PDE3B: variants seen among roughly 807,000 people sequenced by gnomAD.
PDE3B encodes the protein cGMP-inhibited 3',5'-cyclic phosphodiesterase 3B.
A neutral mutation model predicts 116.8 loss-of-function variants in PDE3B; 66 were observed. That is an observed-to-expected ratio of 0.56 (90% CI 0.46 to 0.69). The LOEUF (loss-of-function observed/expected upper bound fraction) is 0.69. Ranked by LOEUF, PDE3B falls within the 30% of genes least tolerant of loss-of-function variation. The pLI is 0.00. For synonymous variants in PDE3B, 595 were observed against 533.6 expected (o/e 1.12, Z -1.59); for missense variants, 1,384 against 1,368.1 (o/e 1.01, Z -0.18).
chr11:14,847,737 GAAGA>G (rs1476907637), intron 12 of PDE3B, among the ~76,000 whole-genome samples: 1 of 152,190 alleles, frequency 6.6e-6, no homozygotes, highest in Non-Finnish European at 1.5e-5. Context: ...AGAAAATCTA[GAAGA>G]AATGGATACA....
rs754543757 is a variant in PDE3B at position 14,857,938 on chromosome 11, CTCTT to C, written c.2521-1101_2521-1098del. Among the ~76,000 whole-genome samples, 105 of 152,284 alleles carry C rather than the reference CTCTT, an allele frequency of 6.9e-4. 1 individual carries two copies. The highest frequency in any genetic ancestry group is 4.3e-3 in the Admixed American group (65 of 15,282). On this transcript the variant is annotated intron_variant, in intron 12 of 15. Coordinates refer to ENST00000282096, the MANE Select transcript of PDE3B (RefSeq NM_000922.4). ...CCCCTTAGGGAGTTTTCGAAGCTTA[CTCTT>C]TCTGTTTGGTATTTATAATGTTTAG...
At chr11:14,835,802 T>C (rs974855404) in intron 11 of PDE3B, among the ~76,000 whole-genome samples, 2 of 152,034 alleles carry the variant, frequency 1.3e-5, no homozygotes, top group Non-Finnish European at 2.9e-5. Context: ...TACAAAAAAA[T>C]TTTTAAAAAA....
At chr11:14,868,738 T>C (rs1484341588) in intron 15 of PDE3B, among the ~76,000 whole-genome samples, 1 of 152,174 alleles carries the variant, frequency 6.6e-6, no homozygotes, top group Non-Finnish European at 1.5e-5. Flanking sequence ...ACACATGCCT[T>C]GTATTTAGGA....
chr11:14,729,931 C>T (rs1428716644), intron 1 of PDE3B, among the ~76,000 whole-genome samples: 1 of 151,798 alleles, frequency 6.6e-6, no homozygotes, highest in Non-Finnish European at 1.5e-5. Flanking sequence ...AAAATTGAAA[C>T]GTTACTGAGA....
chr11:14,738,917 T>C (rs1354645337), intron 1 of PDE3B, among the ~76,000 whole-genome samples: 1 of 152,216 alleles, frequency 6.6e-6, no homozygotes, highest in African/African-American at 2.4e-5. Flanking sequence ...GTTGCAGATA[T>C]ATGGTATTAT....
chr11:14,741,734 TC>T (rs1856779793), intron 1 of PDE3B, among the ~76,000 whole-genome samples: 1 of 152,190 alleles, frequency 6.6e-6, no homozygotes, highest in Non-Finnish European at 1.5e-5. Context: ...TACTGGTTGT[TC>T]CTTTCCATGT....
At chr11:14,819,857 T>C (rs1410374089) in intron 7 of PDE3B, among the ~76,000 whole-genome samples, 1 of 152,128 alleles carries the variant, frequency 6.6e-6, no homozygotes, top group East Asian at 1.9e-4. Flanking sequence ...AGTTTGGGGC[T>C]ATCAAAAGAG....
the PDE3B span, among the ~76,000 whole-genome samples, chr11:14,882,965 C>A: frequency 6.6e-6 from 1 of 152,066 alleles, no homozygotes; most frequent in Non-Finnish European, 1.5e-5. Context: ...ACCTAGGAAT[C>A]CAACTTACAA....
At chr11:14,787,632 T>C (rs991715531) in intron 3 of PDE3B, among the ~76,000 whole-genome samples, 34 of 151,918 alleles carry the variant, frequency 2.2e-4, no homozygotes, top group African/African-American at 6.8e-4. Context: ...ATCTGGATCA[T>C]TGTTATGTGA....
intron 1 of PDE3B, among the ~76,000 whole-genome samples, chr11:14,657,212 C>T (rs1420690246): frequency 3.9e-5 from 6 of 152,062 alleles, no homozygotes; most frequent in Admixed American, 1.3e-4. Flanking sequence ...ATGTCTTTAC[C>T]CATAATTCTT....
chr11:14,681,498 C>T (rs148196499), intron 1 of PDE3B, among the ~76,000 whole-genome samples: 221 of 152,204 alleles, frequency 1.5e-3, no homozygotes, highest in African/African-American at 4.9e-3. Context: ...ACTTCCCTGC[C>T]ATGTGGAACT....
the PDE3B span, chr11:14,892,188 T>A: frequency 6.2e-7 from 1 of 1,610,198 alleles, no homozygotes; most frequent in Non-Finnish European, 8.5e-7. Context: ...CCTCTTCAGC[T>A]CTCCAAAGCT....
chr11:14,722,734 G>T (rs958429605), intron 1 of PDE3B, among the ~76,000 whole-genome samples: 6 of 152,180 alleles, frequency 3.9e-5, no homozygotes, highest in African/African-American at 1.4e-4. Context: ...CCTCATGAGA[G>T]AACTTGAACC....
the PDE3B span, chr11:14,886,265 GA>G: frequency 4.7e-6 from 1 of 214,442 alleles, no homozygotes; most frequent in East Asian, 1.1e-4. Context: ...TATTGCCATA[GA>G]AAATATATTT....
intron 7 of PDE3B, among the ~76,000 whole-genome samples, chr11:14,821,463 T>A (rs1039007471): frequency 2.6e-5 from 4 of 152,162 alleles, no homozygotes; most frequent in Admixed American, 6.5e-5. Context: ...TTACCTCACC[T>A]GTTTTTATTA....
In PDE3B at chr11:14,774,740, A is replaced by G. The variant is rs190520522; in HGVS notation, c.1029+2753A>G. ...ATTTGAATATTCAATTTGATCTGCC[A>G]TAAGTTATCATGTCACTCTCTTGCT... On this transcript the variant is annotated intron_variant, in intron 2 of 15. Coordinates refer to ENST00000282096, the MANE Select transcript of PDE3B (RefSeq NM_000922.4). 8.5e-5 allele frequency: 13 copies of G among 152,386 alleles called. No homozygotes were observed. The East Asian group carries it at 1.3e-3, about 16-fold the overall frequency. 9.4% of individuals were successfully genotyped at this position (152,386 alleles called of 1,614,324 possible). A position where few individuals can be genotyped will look rare whatever the true frequency, so the allele number is the denominator to read the frequency against.
chr11:14,702,891 G>A (rs1055896689), intron 1 of PDE3B, among the ~76,000 whole-genome samples: 9 of 151,828 alleles, frequency 5.9e-5, no homozygotes, highest in Non-Finnish European at 5.9e-5. Context: ...ATTAAGAGTT[G>A]CTCCTAGAGT....
chr11:14,784,148 A>AT (rs1270792272), intron 2 of PDE3B, among the ~76,000 whole-genome samples: 1 of 152,190 alleles, frequency 6.6e-6, no homozygotes. Flanking sequence ...CTGTGGAAAA[A>AT]TTGTGTTCCA....
At position 14,809,176 on chromosome 11, in the gene PDE3B, G is replaced by A. The variant is rs927434194; in HGVS notation, c.1522+5126G>A. ...TTTCTATTCAATGAAATTCAATTTG[G>A]CAGTTTCTCAAATTTTAAACATGAA... On this transcript the variant is annotated intron_variant, in intron 5 of 15. Transcript: ENST00000282096. Among the ~76,000 whole-genome samples, 12 of 152,210 alleles carry A rather than the reference G, an allele frequency of 7.9e-5. No homozygotes were observed. The East Asian group carries it at 2.3e-3, about 29-fold the overall frequency.
Sources: allele counts gnomAD v4.1 joint callset (sites outside exome capture counted in the v4.1 genomes callset), GRCh38; gene constraint gnomAD v4.1.1; transcripts MANE v1.5; gene names NCBI Gene and HGNC (gene_info 2026-07-23, HGNC 2026-07-21).